NXPE2: variants seen among roughly 807,000 people sequenced by gnomAD.
NXPE2 encodes the protein NXPE family member 2.
In NXPE2, 34 loss-of-function variants were observed where a neutral mutation model predicts 34.4. That is an observed-to-expected ratio of 0.99 (90% CI 0.75 to 1.31). The LOEUF is 1.31. NXPE2 is among the 40% of genes most tolerant of loss of function. The pLI, the probability that NXPE2 is intolerant of heterozygous loss-of-function variation, is 0.00. For synonymous variants in NXPE2, 235 were observed against 231.3 expected (o/e 1.02, Z -0.15); for missense variants, 649 against 672.5 (o/e 0.97, Z 0.39).
At chr11:114,744,833 A>G in the NXPE2 span, among the ~76,000 whole-genome samples, 1 of 152,130 alleles carries the variant, frequency 6.6e-6, no homozygotes, top group Non-Finnish European at 1.5e-5. Context: ...AAATCTCACA[A>G]TATTATAAGT....
At chr11:114,537,432 A>G in the NXPE2 span, among the ~76,000 whole-genome samples, 5 of 152,108 alleles carry the variant, frequency 3.3e-5, no homozygotes, top group Non-Finnish European at 7.4e-5. Flanking sequence ...TCTGGCCAAG[A>G]AAATGAGGCA....
chr11:114,578,107 A>C, the NXPE2 span, among the ~76,000 whole-genome samples: 2 of 152,188 alleles, frequency 1.3e-5, no homozygotes, highest in East Asian at 3.9e-4. Context: ...TTTTGAGGAA[A>C]ATGTTCAGAG....
chr11:114,672,921 G>GA, the NXPE2 span, among the ~76,000 whole-genome samples: 1 of 151,168 alleles, frequency 6.6e-6, no homozygotes, highest in African/African-American at 2.4e-5. Flanking sequence ...ATAACAGTAA[G>GA]AAAAAACTCC....
chr11:114,632,639 AAAT>A, the NXPE2 span, among the ~76,000 whole-genome samples: 4 of 98,248 alleles, frequency 4.1e-5, no homozygotes, highest in South Asian at 5.5e-4. Flanking sequence ...TAATAAATGT[AAAT>A]AATAAATGTA....
the NXPE2 span, among the ~76,000 whole-genome samples, chr11:114,514,966 G>A: frequency 2.6e-5 from 4 of 151,992 alleles, no homozygotes; most frequent in South Asian, 6.2e-4. Flanking sequence ...GGCTAAAAAT[G>A]TTAAGGAAGT....
the NXPE2 span, chr11:114,583,298 G>T: frequency 1.6e-6 from 1 of 640,508 alleles, no homozygotes; most frequent in Non-Finnish European, 2.9e-6. Context: ...TTACTACTAC[G>T]ATAGGGGTGT....
At chr11:114,737,499 T>G in the NXPE2 span, among the ~76,000 whole-genome samples, 4 of 152,176 alleles carry the variant, frequency 2.6e-5, no homozygotes, top group Non-Finnish European at 5.9e-5. Context: ...GCAACACTTC[T>G]TGAGTACTTA....
chr11:114,682,491 GC>G (rs1222504095), intron 2 of NXPE2, among the ~76,000 whole-genome samples: 3 of 152,114 alleles, frequency 2.0e-5, no homozygotes, highest in African/African-American at 7.2e-5. Flanking sequence ...TGAAGATGAG[GC>G]TTTAATTGCT....
chr11:114,530,616 C>T, the NXPE2 span: 4 of 1,614,030 alleles, frequency 2.5e-6, no homozygotes, highest in African/African-American at 5.3e-5. Flanking sequence ...ATATTGCTTC[C>T]TCTGTCCCAA....
chr11:114,572,017 C>T, the NXPE2 span, among the ~76,000 whole-genome samples: 1 of 152,218 alleles, frequency 6.6e-6, no homozygotes, highest in Non-Finnish European at 1.5e-5. Context: ...CTGCTAACTC[C>T]ACTGGAGCAG....
intron 2 of NXPE2, among the ~76,000 whole-genome samples, chr11:114,696,521 C>T (rs1023361175): frequency 6.6e-6 from 1 of 151,850 alleles, no homozygotes; most frequent in African/African-American, 2.4e-5. Flanking sequence ...GATTTCAGAA[C>T]CAGGAAAATT....
chr11:114,544,983 A>G, the NXPE2 span, among the ~76,000 whole-genome samples: 4 of 152,178 alleles, frequency 2.6e-5, no homozygotes, highest in Non-Finnish European at 4.4e-5. Context: ...TTTATTCGTC[A>G]GGGAGACAAA....
chr11:114,654,135 G>A, the NXPE2 span, among the ~76,000 whole-genome samples: 2 of 152,014 alleles, frequency 1.3e-5, no homozygotes, highest in East Asian at 3.9e-4. Context: ...TGGCTTTCAG[G>A]ATCCAATCTA....
chr11:114,566,242 GGTAT>G, the NXPE2 span, among the ~76,000 whole-genome samples: 2 of 151,466 alleles, frequency 1.3e-5, no homozygotes, highest in African/African-American at 4.9e-5. Flanking sequence ...CCAGGGAGTG[GGTAT>G]CACCCCAAAT....
the NXPE2 span, among the ~76,000 whole-genome samples, chr11:114,641,528 T>C: frequency 6.6e-6 from 1 of 152,078 alleles, no homozygotes; most frequent in East Asian, 1.9e-4. Flanking sequence ...GGGAAATATG[T>C]AACTGTACAT....
the NXPE2 span, among the ~76,000 whole-genome samples, chr11:114,473,378 A>G: frequency 1.3e-5 from 2 of 152,224 alleles, no homozygotes; most frequent in Non-Finnish European, 2.9e-5. Context: ...AATAAAAACT[A>G]CATGTAGTTT....
the NXPE2 span, among the ~76,000 whole-genome samples, chr11:114,609,774 G>A: frequency 6.0e-5 from 9 of 151,188 alleles, no homozygotes; most frequent in South Asian, 2.1e-4. Context: ...GTATTGCCTC[G>A]CGGGTAACCA....
At chr11:114,779,905 C>T in the NXPE2 span, among the ~76,000 whole-genome samples, 2 of 152,292 alleles carry the variant, frequency 1.3e-5, no homozygotes, top group African/African-American at 4.8e-5. Flanking sequence ...GTCTTCTCCC[C>T]TCCCTGCCCA....
the NXPE2 span, among the ~76,000 whole-genome samples, chr11:114,810,950 G>A: frequency 5.3e-5 from 8 of 150,998 alleles, no homozygotes; most frequent in Non-Finnish European, 1.2e-4. Context: ...AATGTCCAAC[G>A]ATAGACTGGA....
Sources: gnomAD v4.1 joint callset for allele counts (sites outside exome capture counted in the v4.1 genomes callset) on GRCh38, gnomAD v4.1.1 for gene constraint, MANE v1.5 for transcripts, NCBI Gene and HGNC (gene_info 2026-07-23, HGNC 2026-07-21) for gene names.